Variants in EGR1 observed in about 807,000 individuals in gnomAD.
EGR1 encodes the protein early growth response 1, also known as early growth response protein 1.
In EGR1, 8 loss-of-function variants were observed where a neutral mutation model predicts 30.2. The observed-to-expected ratio is 0.26, with a 90% CI of 0.16 to 0.48. The LOEUF (loss-of-function observed/expected upper bound fraction) is 0.48. Among genes scored for constraint, EGR1 ranks in the 20% least tolerant of loss-of-function variants. EGR1 has a pLI of 0.99. For missense variants in EGR1, 568 were observed against 732.3 expected, an observed-to-expected ratio of 0.78 and a Z score of 2.59; for synonymous variants, 334 against 312.8, an observed-to-expected ratio of 1.07 and a Z score of -0.72.
Position 138,468,038 on chromosome 5 carries a change from A to G in EGR1, c.1589A>G (p.Asp530Gly), listed in dbSNP as rs748400232. The G allele has an allele frequency of 6.3e-7, 1 of 1,597,672 alleles. No homozygotes were observed. Among genetic ancestry groups the G allele is most frequent in the African/African-American group, 1.3e-5 (1 of 74,336 alleles). The change falls in exon 2 of 2, where the codon GAC becomes GGC. Residue 530 changes from aspartate (D) to glycine (G), a missense_variant. Physicochemically the swap from Asp to Gly is moderately conservative, Grantham distance 94. Transcript: ENST00000239938. ...NSFSASTGLS[D>G]MTATFSPRTI... ...TTCAGCGCCTCCACAGGGCTTTCGG[A>G]CATGACAGCAACCTTTTCTCCCAGG...
Position 138,466,021 on chromosome 5 carries a change from A to G in EGR1, c.260A>G (p.Asn87Ser), listed in dbSNP as rs1221374503. The stretch of plus-strand genomic sequence containing the variant: ...AGCAGCAGCAGCAGCAGCACCTTCA[A>G]CCCTCAGGCGGACACGGGCGAGCAG... The part of the protein sequence containing the change: ...SNSSSSSSTF[N>S]PQADTGEQPY... The change falls in exon 1 of 2, where the codon AAC becomes AGC. Residue 87 changes from asparagine (N) to serine (S), a missense_variant. Physicochemically the swap from Asn to Ser is conservative, Grantham distance 46 (BLOSUM62 1). Transcript: ENST00000239938. 3 of 1,605,886 alleles carry G rather than the reference A, an allele frequency of 1.9e-6. No individual in the cohort carries two copies. Among genetic ancestry groups the G allele is most frequent in the Admixed American group, 1.7e-5 (1 of 59,360 alleles).
In EGR1 at chr5:138,468,749, C is replaced by G. The variant is rs200522659; in HGVS notation, c.*668C>G. 2.0e-5 allele frequency: 3 copies of G among 151,650 alleles called. No homozygotes were observed. Among genetic ancestry groups the G allele is most frequent in the Non-Finnish European group, 4.4e-5 (3 of 67,904 alleles). 9.4% of individuals were successfully genotyped at this position (151,650 alleles called of 1,614,324 possible). On this transcript the variant is annotated 3_prime_UTR_variant, in exon 2 of 2. Coordinates refer to ENST00000239938, the MANE Select transcript of EGR1 (RefSeq NM_001964.3). The stretch of plus-strand genomic sequence containing the variant: ...AACCTTTTTGTAAATACTGCTTGAC[C>G]GTACTCTCACATGTGGCAAAATATG...
At chr5:138,466,201 T>C in intron 1 of EGR1, 133 bp downstream of exon 1, 4 of 1,389,046 alleles carry the variant, frequency 2.9e-6, no homozygotes, top group Admixed American at 2.9e-5. Context: ...CCCAGAGTCA[T>C]GTGTTAGAGG....
chr5:138,466,718 T>C (rs1764162513), intron 1 of EGR1, 39 bp from the exon 2 acceptor site: 3 of 1,574,070 alleles, frequency 1.9e-6, no homozygotes, highest in Non-Finnish European at 2.6e-6. Flanking sequence ...GTGATTGCTT[T>C]CCAGTAACCA....
Position 138,468,506 on chromosome 5 carries a change from G to T in EGR1, c.*425G>T. On this transcript the variant is annotated 3_prime_UTR_variant, in exon 2 of 2. Transcript: ENST00000239938. The stretch of plus-strand genomic sequence containing the variant: ...GTACAGTGTCTGTGCCATGGATTTC[G>T]TTTTTCTTGGGGTACTCTTGATGTG... The T allele has an allele frequency of 4.8e-6, 1 of 209,808 alleles. No individual in the cohort carries two copies. The highest frequency in any genetic ancestry group is 1.0e-5 in the Non-Finnish European group (1 of 98,962). The allele number at this position is 209,808 out of a possible 1,614,324, so 13.0% of individuals were successfully genotyped here.
At chr5:138,466,612 A>T in intron 1 of EGR1, 145 bp from the exon 2 acceptor site, 1 of 922,600 alleles carries the variant, frequency 1.1e-6, no homozygotes, top group Non-Finnish European at 1.7e-6. Flanking sequence ...GTCCAGGAAC[A>T]TTGCAATGTG....
chr5:138,467,637 C>T lies in EGR1; in HGVS notation c.1188C>T (p.Phe396=). 8.1e-6 allele frequency: 13 copies of T among 1,614,170 alleles called. No homozygotes were observed. Among genetic ancestry groups the T allele is most frequent in the Non-Finnish European group, 1.1e-5 (13 of 1,180,050 alleles). ...GCACCCACACAGGCGAAAAGCCCTT[C>T]GCCTGCGACATCTGTGGAAGAAAGT... ...HIRTHTGEKP[F]ACDICGRKFA... is the part of the protein sequence containing the mutation. Residue 396 remains phenylalanine, a synonymous_variant, in exon 2 of 2, where the codon TTC becomes TTT. Transcript: ENST00000239938. The surrounding 1 kb of genome is among the most constrained non-coding windows in gnomAD (Gnocchi z 8.3).
rs1458032586 is a variant in EGR1, at chr5:138,466,762, T to C, written c.313T>C (p.Phe105Leu). 6.2e-7 allele frequency: 1 copy of C among 1,609,244 alleles called. No homozygotes were observed. The highest frequency in any genetic ancestry group is 8.5e-7 in the Non-Finnish European group (1 of 1,176,184). The change falls in exon 2 of 2, where the codon TTT becomes CTT. Residue 105 changes from phenylalanine (F) to leucine (L), a missense_variant. This residue lies in a region of EGR1 where 415 missense variants were observed against 445.2 expected (regional missense o/e 0.93). Coordinates refer to ENST00000239938, the MANE Select transcript of EGR1 (RefSeq NM_001964.3). ...QPYEHLTAES[F>L]PDISLNNEKV... ...GCTTCTCTCTCTCCTGCCAGAGTCT[T>C]TTCCTGACATCTCTCTGAACAACGA... is the stretch of plus-strand genomic sequence containing the variant.
chr5:138,468,506 G>A lies in EGR1; in HGVS notation c.*425G>A, dbSNP rs978980129. 5 of 209,692 alleles carry A rather than the reference G, an allele frequency of 2.4e-5. No homozygotes were observed. Among genetic ancestry groups the A allele is most frequent in the Non-Finnish European group, 4.0e-5 (4 of 98,970 alleles). The allele number at this position is 209,692 out of a possible 1,614,324, so 13.0% of individuals were successfully genotyped here. A position where few individuals can be genotyped will look rare whatever the true frequency, so the allele number is the denominator to read the frequency against. On this transcript the variant is annotated 3_prime_UTR_variant, in exon 2 of 2. Coordinates refer to ENST00000239938, the MANE Select transcript of EGR1 (RefSeq NM_001964.3). ...GTACAGTGTCTGTGCCATGGATTTC[G>A]TTTTTCTTGGGGTACTCTTGATGTG...
chr5:138,468,277 T>C lies in EGR1; in HGVS notation c.*196T>C. 1.6e-6 allele frequency: 2 copies of C among 1,232,858 alleles called. No homozygotes were observed. The highest frequency in any genetic ancestry group is 2.3e-6 in the Non-Finnish European group (2 of 873,102). The allele number at this position is 1,232,858 out of a possible 1,614,324, so 76.4% of individuals were successfully genotyped here. A position where few individuals can be genotyped will look rare whatever the true frequency, so the allele number is the denominator to read the frequency against. On this transcript the variant is annotated 3_prime_UTR_variant, in exon 2 of 2. Transcript: ENST00000239938. The stretch of plus-strand genomic sequence containing the variant: ...TTCTGCCCACTTCCCCTTCCCCAAT[T>C]ACTATTCCCTTTGACTTCAGCTGCC...
In EGR1 at chr5:138,468,130, C is replaced by A. The variant is rs779466738; in HGVS notation, c.*49C>A. On this transcript the variant is annotated 3_prime_UTR_variant, in exon 2 of 2. Transcript: ENST00000239938. ...AAGGGAGAAAAAGAAACACAAGAGACTTAAAGGACAGGAGGAGGAGATGGC... is the reference window on the plus strand; with the variant it reads ...AAGGGAGAAAAAGAAACACAAGAGAATTAAAGGACAGGAGGAGGAGATGGC... 1.3e-6 allele frequency: 2 copies of A among 1,536,810 alleles called. No individual in the cohort carries two copies. Among genetic ancestry groups the A allele is most frequent in the Non-Finnish European group, 1.7e-6 (2 of 1,143,446 alleles).
Position 138,467,059 on chromosome 5 carries a change from T to G in EGR1, c.610T>G (p.Ser204Ala). Reference sequence around the variant, plus strand: ...ATCCAACGACAGCAGTCCCATTTACTCAGCGGCACCCACCTTCCCCACGCC... The same window carrying G: ...ATCCAACGACAGCAGTCCCATTTACGCAGCGGCACCCACCTTCCCCACGCC... ...VPSNDSSPIYSAAPTFPTPNT... is the reference protein window; with the variant it reads ...VPSNDSSPIYAAAPTFPTPNT... Residue 204 changes from serine to alanine, a missense_variant, in exon 2 of 2, where the codon TCA (serine) becomes GCA (alanine). Transcript: ENST00000239938. This position sits in a 1 kb window ranked among gnomAD's most constrained non-coding sequence, Gnocchi z 8.3. 1 of 1,613,878 alleles carries G rather than the reference T, an allele frequency of 6.2e-7. No homozygotes were observed. Among genetic ancestry groups the G allele is most frequent in the Non-Finnish European group, 8.5e-7 (1 of 1,180,008 alleles).
At position 138,465,941 on chromosome 5, in the gene EGR1, C is replaced by T. The variant is rs543007172; in HGVS notation, c.180C>T (p.Ser60=). ...CCGGGGCCCCAGAGGGCAGCGGCAG[C>T]AACAGCAGCAGCAGCAGCAGCGGGG... ...GAAGAPEGSG[S]NSSSSSSGGG... The change falls in exon 1 of 2, where the codon AGC becomes AGT. Residue 60 remains serine (S), a synonymous_variant. Transcript: ENST00000239938. The T allele has an allele frequency of 1.9e-6, 3 of 1,613,024 alleles. No homozygotes were observed. Among genetic ancestry groups the T allele is most frequent in the East Asian group, 2.2e-5 (1 of 44,866 alleles).
rs149488084 is a variant in EGR1 at position 138,466,958 on chromosome 5, C to G, written c.509C>G (p.Ser170Cys). 2.8e-5 allele frequency: 45 copies of G among 1,613,950 alleles called. No individual in the cohort carries two copies. The highest frequency in any genetic ancestry group is 3.7e-5 in the Non-Finnish European group (44 of 1,180,038). The change falls in exon 2 of 2, where the codon TCC becomes TGC. Residue 170 changes from serine (S) to cysteine (C), a missense_variant. Ser to Cys is a moderately radical substitution (Grantham distance 112, BLOSUM62 -1). Around this residue, in one of 4 missense-constraint regions of EGR1, gnomAD observed 415 missense variants for 445.2 expected, o/e 0.93. Transcript: ENST00000239938. ...GLVSMTNPPA[S>C]SSSAPSPAAS... The stretch of plus-strand genomic sequence containing the variant: ...GTGAGCATGACCAACCCACCGGCCT[C>G]CTCGTCCTCAGCACCATCTCCAGCG...
In EGR1 at chr5:138,466,011, A is replaced by C. The variant is rs1764153226; in HGVS notation, c.250A>C (p.Ser84Arg). Residue 84 changes from serine (S) to arginine (R), a missense_variant, in exon 1 of 2, where the codon AGC (serine) becomes CGC (arginine). This residue lies in a region of EGR1 where 415 missense variants were observed against 445.2 expected (regional missense o/e 0.93). Coordinates refer to ENST00000239938, the MANE Select transcript of EGR1 (RefSeq NM_001964.3). The part of the protein sequence containing the change: ...GGGSNSSSSS[S>R]TFNPQADTGE... ...CGGCAGCAACAGCAGCAGCAGCAGC[A>C]GCACCTTCAACCCTCAGGCGGACAC... 1 of 1,608,240 alleles carries C rather than the reference A, an allele frequency of 6.2e-7. No individual in the cohort carries two copies. Among genetic ancestry groups the C allele is most frequent in the Non-Finnish European group, 8.5e-7 (1 of 1,177,470 alleles).
At chr5:138,466,734 C>G (rs199802160) in intron 1 of EGR1, 23 bp from the exon 2 acceptor site, 8 of 1,592,688 alleles carry the variant, frequency 5.0e-6, no homozygotes, top group Non-Finnish European at 6.9e-6. Flanking sequence ...AACCAGGCCT[C>G]CCGCTTCTCT....
At position 138,465,604 on chromosome 5, in the gene EGR1, C is replaced by T; in HGVS notation, c.-158C>T. 1 of 755,364 alleles carries T rather than the reference C, an allele frequency of 1.3e-6. No individual in the cohort carries two copies. The highest frequency in any genetic ancestry group is 1.8e-6 in the Non-Finnish European group (1 of 542,042). 46.8% of individuals were successfully genotyped at this position (755,364 alleles called of 1,614,324 possible). A position where few individuals can be genotyped will look rare whatever the true frequency, so the allele number is the denominator to read the frequency against. On this transcript the variant is annotated 5_prime_UTR_variant, in exon 1 of 2. Coordinates refer to ENST00000239938, the MANE Select transcript of EGR1 (RefSeq NM_001964.3). ...GCCGCGGCGCGTCCACGCCCGCCCG[C>T]GCCCAGGGCGAGTCGGGGTCGCCGC...
chr5:138,465,525 C>T lies in EGR1; in HGVS notation c.-237C>T, dbSNP rs575937299. Reference sequence around the variant, plus strand: ...CTTGGGGAGCCGCCGCCGCCATCCGCCGCCGCAGCCAGCTTCCGCCGCCGC... The same window carrying T: ...CTTGGGGAGCCGCCGCCGCCATCCGTCGCCGCAGCCAGCTTCCGCCGCCGC... On this transcript the variant is annotated 5_prime_UTR_variant, in exon 1 of 2. Transcript: ENST00000239938. 278 of 280,452 alleles carry T rather than the reference C, an allele frequency of 9.9e-4. 1 individual carries two copies. The highest frequency in any genetic ancestry group is 5.8e-3 in the African/African-American group (262 of 44,860). 17.4% of individuals were successfully genotyped at this position (280,452 alleles called of 1,614,324 possible). A position where few individuals can be genotyped will look rare whatever the true frequency, so the allele number is the denominator to read the frequency against.
At position 138,467,788 on chromosome 5, in the gene EGR1, G is replaced by T; in HGVS notation, c.1339G>T (p.Ala447Ser). The stretch of plus-strand genomic sequence containing the variant: ...TCTCTCTTCCTACCCGTCCCCGGTT[G>T]CTACCTCTTACCCGTCCCCGGTTAC... ...SSLSSYPSPV[A>S]TSYPSPVTTS... The change falls in exon 2 of 2, where the codon GCT becomes TCT. Residue 447 changes from alanine (A) to serine (S), a missense_variant. Around this residue, in one of 4 missense-constraint regions of EGR1, gnomAD observed 118 missense variants for 161.6 expected, o/e 0.73. Coordinates refer to ENST00000239938, the MANE Select transcript of EGR1 (RefSeq NM_001964.3). The surrounding 1 kb of genome is among the most constrained non-coding windows in gnomAD (Gnocchi z 8.3). 1 of 1,613,576 alleles carries T rather than the reference G, an allele frequency of 6.2e-7. No homozygotes were observed. The highest frequency in any genetic ancestry group is 8.5e-7 in the Non-Finnish European group (1 of 1,179,704).
Sources: gnomAD v4.1 joint callset for allele counts on GRCh38, gnomAD v4.1.1 for gene constraint, gnomAD v4.1.1 regional missense constraint, Gnocchi (gnomAD v3.1) non-coding constraint, MANE v1.5 for transcripts, NCBI Gene and HGNC (gene_info 2026-07-23, HGNC 2026-07-21) for gene names.